The following TBC1D10A variants were observed in gnomAD, a reference collection of about 807,000 sequenced individuals.
TBC1D10A encodes EBP50-PDX interactor of 64 kDa.
A neutral mutation model predicts 52.9 loss-of-function variants in TBC1D10A; 24 were observed. That is an observed-to-expected ratio of 0.45 (90% confidence interval 0.33 to 0.64). The LOEUF (loss-of-function observed/expected upper bound fraction) is 0.64. Ranked by LOEUF, TBC1D10A falls within the 30% of genes least tolerant of loss-of-function variation. The probability of loss-of-function intolerance (pLI) is 0.02; values close to 1 mark genes in which losing one functional copy is unlikely to be tolerated. For missense variants in TBC1D10A, 602 were observed against 687.9 expected (o/e 0.88, Z 1.40); for synonymous variants, 278 against 282.9 (o/e 0.98, Z 0.17).
At chr22:30,301,403 C>T (rs2145768908) in intron 2 of TBC1D10A, among the ~76,000 whole-genome samples, 1 of 152,308 alleles carries the variant, frequency 6.6e-6, no homozygotes, top group South Asian at 2.1e-4. Flanking sequence ...TTGAATCTAG[C>T]GCTGACCTTA....
At chr22:30,307,478 T>G (rs1050782243) in intron 1 of TBC1D10A, among the ~76,000 whole-genome samples, 7 of 152,120 alleles carry the variant, frequency 4.6e-5, no homozygotes, top group Non-Finnish European at 1.0e-4. Flanking sequence ...TATGCCAAAA[T>G]TGTCCTAGTA....
At chr22:30,320,708 G>A (rs1319765682) in intron 1 of TBC1D10A, among the ~76,000 whole-genome samples, 2 of 152,200 alleles carry the variant, frequency 1.3e-5, no homozygotes, top group African/African-American at 2.4e-5. Flanking sequence ...AGTAGAAAAT[G>A]AAAAGATAGA....
At chr22:30,313,386 T>TGTGTGTGG (rs953876330) in intron 1 of TBC1D10A, among the ~76,000 whole-genome samples, 1 of 135,930 alleles carries the variant, frequency 7.4e-6, no homozygotes, top group Non-Finnish European at 1.6e-5. Flanking sequence ...TGTGTGTGTG[T>TGTGTGTGG]TGTTATTGTT....
intron 4 of TBC1D10A, 142 bp downstream of exon 4, chr22:30,295,595 A>G (rs1930060588): frequency 1.3e-6 from 1 of 758,582 alleles, no homozygotes; most frequent in South Asian, 1.6e-5. Context: ...CACACATCAG[A>G]CTCAAACCAA....
At chr22:30,296,081 G>A in intron 3 of TBC1D10A, 1 of 532,884 alleles carries the variant, frequency 1.9e-6, no homozygotes, top group Non-Finnish European at 3.4e-6. Flanking sequence ...GCTCTAGGAA[G>A]ACCGATGAGG....
rs1214253676 is a variant in TBC1D10A, at chr22:30,292,548, T to G, written c.1354A>C (p.Asn452His). 2 of 1,613,270 alleles carry G rather than the reference T, an allele frequency of 1.2e-6. No homozygotes were observed. The highest frequency in any genetic ancestry group is 2.7e-5 in the African/African-American group (2 of 74,822). Residue 452 changes from asparagine to histidine, a missense_variant, in exon 9 of 9, where the codon AAT becomes CAT. Physicochemically the swap from Asn to His is moderately conservative, Grantham distance 68. Transcript: ENST00000215790. ...GCAGCGGCCACCACCATGGCTTGAT[T>G]TGGGGCTGGGGGCTTCTCCAGCTGC... ...RGQLEKPPAP[N>H]QAMVVAAAGD...
rs139035039 is a variant in TBC1D10A at position 30,299,434 on chromosome 22, G to A, written c.417+10C>T. 1.6e-4 allele frequency: 262 copies of A among 1,613,684 alleles called. No homozygotes were observed. The East Asian group carries it at 5.1e-3, about 32-fold the overall frequency. On this transcript the variant is annotated intron_variant, in intron 3 of 8. Transcript: ENST00000215790. ...GGAAGGGAGGGCAGGGCAAAGGAAG[G>A]GAAACTTACGTCAAACTTTCCAGGG... is the stretch of plus-strand genomic sequence containing the variant.
At chr22:30,325,489 T>C (rs953888188) in intron 1 of TBC1D10A, among the ~76,000 whole-genome samples, 10 of 152,046 alleles carry the variant, frequency 6.6e-5, no homozygotes, top group East Asian at 1.9e-4. Context: ...CTCCTACTGG[T>C]GATTGGGATG....
intron 1 of TBC1D10A, among the ~76,000 whole-genome samples, chr22:30,324,026 A>G (rs934201504): frequency 3.3e-5 from 5 of 152,034 alleles, no homozygotes; most frequent in Non-Finnish European, 7.4e-5. Context: ...TACTCATGCC[A>G]TGTAGCTAAT....
chr22:30,293,417 T>A (rs1569158357), intron 8 of TBC1D10A: 1 of 735,562 alleles, frequency 1.4e-6, no homozygotes, highest in Non-Finnish European at 2.5e-6. Flanking sequence ...GGGTCAACAT[T>A]CTTCTTCATT....
Position 30,293,678 on chromosome 22 carries a change from G to C in TBC1D10A, c.1023C>G (p.Ile341Met), listed in dbSNP as rs150496732. The C allele has an allele frequency of 1.2e-3, 1,927 of 1,610,718 alleles. 3 individuals are homozygous for C. Among genetic ancestry groups the C allele is most frequent in the Non-Finnish European group, 1.5e-3 (1,744 of 1,177,460 alleles). Residue 341 changes from isoleucine (I) to methionine (M), a missense_variant, in exon 8 of 9, where the codon ATC becomes ATG. Physicochemically the swap from Ile to Met is conservative, Grantham distance 10. This residue lies in a region of TBC1D10A where 265 missense variants were observed against 275.1 expected (regional missense o/e 0.96). Coordinates refer to ENST00000215790, the MANE Select transcript of TBC1D10A (RefSeq NM_031937.3). ...CCTGGACCAGAAAGGCCTCCTGCAT[G>C]ATCTTGGGGCTGAGGCTCCGCAGTC... is the stretch of plus-strand genomic sequence containing the variant. ...IERLRSLSPK[I>M]MQEAFLVQEV...
intron 2 of TBC1D10A, 29 bp downstream of exon 2, chr22:30,304,502 A>C: frequency 6.2e-7 from 1 of 1,613,724 alleles, no homozygotes; most frequent in Non-Finnish European, 8.5e-7. Flanking sequence ...GCCAACTCCC[A>C]GCCCAATACC....
intron 2 of TBC1D10A, among the ~76,000 whole-genome samples, chr22:30,302,348 C>T (rs1021895882): frequency 1.3e-5 from 2 of 152,018 alleles, no homozygotes; most frequent in South Asian, 2.1e-4. Flanking sequence ...CAGGGCCCTG[C>T]GGGAAGACAG....
At chr22:30,317,623 A>T (rs947421343) in intron 1 of TBC1D10A, among the ~76,000 whole-genome samples, 2 of 151,984 alleles carry the variant, frequency 1.3e-5, no homozygotes, top group African/African-American at 2.4e-5. Flanking sequence ...TCTTTTTAAA[A>T]TTTTTTTTAG....
chr22:30,296,399 A>C (rs758032456), intron 3 of TBC1D10A: 33 of 153,750 alleles, frequency 2.1e-4, no homozygotes, highest in Admixed American at 3.8e-4. Context: ...CTGGGACTGG[A>C]AGCCAGGTCT....
intron 4 of TBC1D10A, 103 bp downstream of exon 4, chr22:30,295,634 G>A (rs1193855418): frequency 2.7e-6 from 3 of 1,108,182 alleles, no homozygotes; most frequent in African/African-American, 1.6e-5. Context: ...AGTGGAGTTG[G>A]GGGCACCGAG....
chr22:30,321,660 T>C (rs1426732897), intron 1 of TBC1D10A, among the ~76,000 whole-genome samples: 1 of 152,162 alleles, frequency 6.6e-6, no homozygotes, highest in African/African-American at 2.4e-5. Context: ...CCAAAGAGCA[T>C]AGCTCCTCAC....
At chr22:30,315,651 T>C (rs1278058882) in intron 1 of TBC1D10A, among the ~76,000 whole-genome samples, 1 of 152,206 alleles carries the variant, frequency 6.6e-6, no homozygotes, top group Non-Finnish European at 1.5e-5. Flanking sequence ...AGATCGCTTC[T>C]GGACTCACAG....
In TBC1D10A at chr22:30,304,519, C is replaced by T; in HGVS notation, c.309+12G>A. 6.2e-7 allele frequency: 1 copy of T among 1,614,152 alleles called. No individual in the cohort carries two copies. Among genetic ancestry groups the T allele is most frequent in the Non-Finnish European group, 8.5e-7 (1 of 1,180,002 alleles). ...CAACTCCCAGCCCAATACCTGAGGC[C>T]AGGCCCCTCACCTTTTTGTGCTTCT... On this transcript the variant is annotated intron_variant, in intron 2 of 8. Transcript: ENST00000215790.
Sources: allele counts gnomAD v4.1 joint callset (sites outside exome capture counted in the v4.1 genomes callset), GRCh38; gene constraint gnomAD v4.1.1; regional missense constraint gnomAD v4.1.1; transcripts MANE v1.5; gene names NCBI Gene and HGNC (gene_info 2026-07-23, HGNC 2026-07-21).